PJA2: variants seen among roughly 807,000 people sequenced by gnomAD.
PJA2 encodes the protein E3 ubiquitin-protein ligase Praja-2.
Under a neutral mutation model 69.3 loss-of-function variants are expected in PJA2, and 25 were observed. The observed-to-expected ratio is 0.36, with a 90% CI of 0.26 to 0.50. The LOEUF (loss-of-function observed/expected upper bound fraction) is 0.50. PJA2 is among the 20% of genes least tolerant of loss of function. The pLI is 0.96. For missense variants in PJA2, 809 were observed against 830.2 expected (o/e 0.97, Z 0.31); for synonymous variants, 308 against 277.8 (o/e 1.11, Z -1.08).
chr5:109,395,857 G>C (rs1257730605), intron 1 of PJA2, among the ~76,000 whole-genome samples: 2 of 152,012 alleles, frequency 1.3e-5, no homozygotes, highest in East Asian at 3.9e-4. Flanking sequence ...AAAATTAGCT[G>C]GGTGTGGAGG....
At position 109,354,031 on chromosome 5, in the gene PJA2, A is replaced by G. The variant is rs527973949; in HGVS notation, c.1764+1884T>C. 7.0e-5 allele frequency among the ~76,000 whole-genome samples: 10 copies of G among 142,156 alleles called. 1 individual carries two copies. In the South Asian group the frequency reaches 2.1e-3, roughly 30 times the overall value. 93.3% of individuals were successfully genotyped at this position (142,156 alleles called of 152,430 possible). A position where few individuals can be genotyped will look rare whatever the true frequency, so the allele number is the denominator to read the frequency against. On this transcript the variant is annotated intron_variant, in intron 7 of 9. Coordinates refer to ENST00000361189, the MANE Select transcript of PJA2 (RefSeq NM_014819.5). Reference sequence around the variant, plus strand: ...TATAGATTAGATATCTATGATATCTAGAGATATCTATAGATTAGATATCTA... The same window carrying G: ...TATAGATTAGATATCTATGATATCTGGAGATATCTATAGATTAGATATCTA...
Position 109,341,784 on chromosome 5 carries a change from C to T in PJA2, c.2001+2406G>A, listed in dbSNP as rs1349925486. ...CCGTCCGGGAGGGAGGTGGGGGGGT[C>T]GGCCCCCCGCCCGGCCAGCCGCCCC... On this transcript the variant is annotated intron_variant, in intron 9 of 9. Transcript: ENST00000361189. 6.8e-5 allele frequency among the ~76,000 whole-genome samples: 6 copies of T among 88,276 alleles called. No individual in the cohort carries two copies. In the East Asian group the frequency reaches 1.1e-3, roughly 16 times the overall value. 57.9% of individuals were successfully genotyped at this position (88,276 alleles called of 152,430 possible). A position where few individuals can be genotyped will look rare whatever the true frequency, so the allele number is the denominator to read the frequency against.
rs530151229 is a variant in PJA2, at chr5:109,406,008, A to T, written c.-88+3834T>A. The stretch of plus-strand genomic sequence containing the variant: ...AAATGAGTTGTATAAAGAATGTATT[A>T]AAAAATGCTTACAACTCAATAAGAC... On this transcript the variant is annotated intron_variant, in intron 1 of 9. Transcript: ENST00000361189. Among the ~76,000 whole-genome samples the T allele has an allele frequency of 2.0e-5, 3 of 151,410 alleles. No homozygotes were observed. The East Asian group carries it at 5.8e-4, about 29-fold the overall frequency.
At chr5:109,392,595 C>T (rs1192662676) in intron 1 of PJA2, among the ~76,000 whole-genome samples, 1 of 145,628 alleles carries the variant, frequency 6.9e-6, no homozygotes, top group East Asian at 2.0e-4. Flanking sequence ...AACAATAGAA[C>T]TTTATGTGAT....
intron 9 of PJA2, among the ~76,000 whole-genome samples, chr5:109,342,508 G>A (rs1200086867): frequency 0.022 from 2,423 of 111,830 alleles, 54 homozygotes; most frequent in African/African-American, 0.11. Flanking sequence ...CAGCCACCCC[G>A]TCCGGGAGGG....
intron 1 of PJA2, chr5:109,409,112 C>G (rs533976983): frequency 6.6e-6 from 1 of 152,118 alleles, no homozygotes; most frequent in East Asian, 1.9e-4. Flanking sequence ...CGTCTTTAAC[C>G]TCACCATTTT....
chr5:109,407,559 G>A (rs1343828728), intron 1 of PJA2, among the ~76,000 whole-genome samples: 1 of 152,086 alleles, frequency 6.6e-6, no homozygotes. Flanking sequence ...CATTTTATAA[G>A]ATGTATAATT....
chr5:109,388,626 A>C (rs886884497), intron 1 of PJA2, among the ~76,000 whole-genome samples: 1 of 152,192 alleles, frequency 6.6e-6, no homozygotes, highest in East Asian at 1.9e-4. Context: ...CTTATGACTC[A>C]TCTGCTGGGA....
intron 1 of PJA2, among the ~76,000 whole-genome samples, chr5:109,391,323 T>C (rs1401625737): frequency 6.6e-6 from 1 of 152,212 alleles, no homozygotes; most frequent in Non-Finnish European, 1.5e-5. Flanking sequence ...ACTTATTCCA[T>C]TTCCATGCCT....
At chr5:109,397,541 C>T (rs767685510) in intron 1 of PJA2, among the ~76,000 whole-genome samples, 2 of 151,740 alleles carry the variant, frequency 1.3e-5, no homozygotes, top group African/African-American at 4.8e-5. Context: ...TTTTTTGAGA[C>T]GGAGTCTCGT....
At chr5:109,353,533 A>G (rs1370092031) in intron 7 of PJA2, among the ~76,000 whole-genome samples, 3 of 114,372 alleles carry the variant, frequency 2.6e-5, no homozygotes, top group African/African-American at 1.8e-4. Context: ...AGATATCTAT[A>G]ATATCATAGA....
chr5:109,371,585 A>C (rs1174336084), intron 4 of PJA2, among the ~76,000 whole-genome samples: 1 of 152,214 alleles, frequency 6.6e-6, no homozygotes, highest in East Asian at 1.9e-4. Flanking sequence ...ATAGTCAATT[A>C]TTAATTGGTG....
rs77082972 is a variant in PJA2, at chr5:109,375,781, G to A, written c.1283+2423C>T. On this transcript the variant is annotated intron_variant, in intron 4 of 9. Coordinates refer to ENST00000361189, the MANE Select transcript of PJA2 (RefSeq NM_014819.5). ...GAGGATGACAATGAAACATCAGGGA[G>A]ATGAACAAGGGCAAAATGAAACTAA... 2.7e-3 allele frequency among the ~76,000 whole-genome samples: 412 copies of A among 152,202 alleles called. 1 individual carries two copies. Among genetic ancestry groups the A allele is most frequent in the African/African-American group, 9.7e-3 (402 of 41,530 alleles).
rs1163545810 is a variant in PJA2 at position 109,343,119 on chromosome 5, G to C, written c.2001+1071C>G. Among the ~76,000 whole-genome samples, 22 of 112,196 alleles carry C rather than the reference G, an allele frequency of 2.0e-4. No homozygotes were observed. In the South Asian group the frequency reaches 3.6e-3, roughly 18 times the overall value. 73.6% of individuals were successfully genotyped at this position (112,196 alleles called of 152,430 possible). On this transcript the variant is annotated intron_variant, in intron 9 of 9. Transcript: ENST00000361189. ...ATCGGATGGTTGCCGTGTCTGTGTA[G>C]AAAGAAGTAGACATGGGAGACTTTT...
At chr5:109,386,920 T>C (rs1561360746) in intron 1 of PJA2, among the ~76,000 whole-genome samples, 1 of 152,202 alleles carries the variant, frequency 6.6e-6, no homozygotes, top group Non-Finnish European at 1.5e-5. Context: ...CAAAGACTTG[T>C]TTGGGGCAGG....
chr5:109,353,538 C>T (rs1333229386), intron 7 of PJA2, among the ~76,000 whole-genome samples: 3 of 109,796 alleles, frequency 2.7e-5, no homozygotes, highest in African/African-American at 1.1e-4. Context: ...TCTATAATAT[C>T]ATAGATATCT....
At chr5:109,346,029 C>T (rs943321478) in intron 7 of PJA2, among the ~76,000 whole-genome samples, 1 of 152,208 alleles carries the variant, frequency 6.6e-6, no homozygotes, top group Admixed American at 6.5e-5. Flanking sequence ...CTGGTGCTTT[C>T]TGTCCATCCT....
At chr5:109,374,919 G>A (rs553636492) in intron 4 of PJA2, among the ~76,000 whole-genome samples, 1 of 152,238 alleles carries the variant, frequency 6.6e-6, no homozygotes, top group African/African-American at 2.4e-5. Context: ...TATTTCAAAA[G>A]AGCAGGGTAT....
intron 6 of PJA2, among the ~76,000 whole-genome samples, chr5:109,358,816 G>A (rs1561348389): frequency 6.6e-6 from 1 of 152,014 alleles, no homozygotes. Context: ...ATGAGACTCT[G>A]TCTCAAAAAA....
Sources: allele counts gnomAD v4.1 joint callset (sites outside exome capture counted in the v4.1 genomes callset), GRCh38; gene constraint gnomAD v4.1.1; transcripts MANE v1.5; gene names NCBI Gene and HGNC (gene_info 2026-07-23, HGNC 2026-07-21).